Variants in PEBP4 observed in about 807,000 individuals in gnomAD.
PEBP4 encodes the protein phosphatidylethanolamine binding protein 4.
Under a neutral mutation model 23.9 loss-of-function variants are expected in PEBP4, and 22 were observed. The ratio of observed to expected loss-of-function variants is 0.92; its 90% CI spans 0.66 to 1.31. PEBP4 has a LOEUF of 1.31. Ranked by LOEUF, PEBP4 falls within the 40% of genes most tolerant of loss-of-function variation. PEBP4 has a pLI of 0.00. For missense variants in PEBP4, 324 were observed against 281.7 expected, an observed-to-expected ratio of 1.15 and a Z score of -1.07; for synonymous variants, 112 against 99.3, an observed-to-expected ratio of 1.13 and a Z score of -0.76.
chr8:22,785,887 G>T (rs1009342847), intron 4 of PEBP4, among the ~76,000 whole-genome samples: 7 of 152,220 alleles, frequency 4.6e-5, no homozygotes, highest in African/African-American at 1.4e-4. Flanking sequence ...TCTAAAGAAT[G>T]CAGGTTTAAA....
At chr8:22,765,549 G>A (rs1231871690) in intron 4 of PEBP4, among the ~76,000 whole-genome samples, 4 of 152,194 alleles carry the variant, frequency 2.6e-5, no homozygotes, top group Non-Finnish European at 4.4e-5. Context: ...CCCTGCCTCT[G>A]TTCTCTCATC....
chr8:22,861,723 G>A (rs74911716), intron 3 of PEBP4, among the ~76,000 whole-genome samples: 79 of 152,264 alleles, frequency 5.2e-4, no homozygotes, highest in African/African-American at 1.9e-3. Context: ...AATTTCCTTA[G>A]GTCCAAAGGA....
At chr8:22,771,394 C>T (rs912984486) in intron 4 of PEBP4, among the ~76,000 whole-genome samples, 13 of 152,068 alleles carry the variant, frequency 8.5e-5, no homozygotes, top group Admixed American at 5.2e-4. Flanking sequence ...GAGGCAGAGG[C>T]AGGAGAATCA....
intron 4 of PEBP4, among the ~76,000 whole-genome samples, chr8:22,738,067 G>A (rs544834738): frequency 1.8e-4 from 27 of 152,338 alleles, no homozygotes; most frequent in African/African-American, 5.8e-4. Context: ...TGGCTGCGCC[G>A]TGGGCTTGGA....
At chr8:22,772,774 C>G (rs886886224) in intron 4 of PEBP4, among the ~76,000 whole-genome samples, 1 of 152,170 alleles carries the variant, frequency 6.6e-6, no homozygotes, top group South Asian at 2.1e-4. Context: ...CTATCTGAGG[C>G]CCACAGACCT....
chr8:22,715,951 C>T lies in PEBP4; in HGVS notation c.518-2415G>A, dbSNP rs111236718. On this transcript the variant is annotated intron_variant, in intron 6 of 6. Transcript: ENST00000256404. ...CCTTCCTGTATGGCACTGCTGTCCC[C>T]GAGAGGCAGAGAGTCCGCGGCCAGG... is the stretch of plus-strand genomic sequence containing the variant. 1.8e-3 allele frequency among the ~76,000 whole-genome samples: 270 copies of T among 152,232 alleles called. 1 individual carries two copies. Among genetic ancestry groups the T allele is most frequent in the African/African-American group, 6.1e-3 (253 of 41,528 alleles).
At chr8:22,930,461 C>T (rs1313672065), upstream of PEBP4, among the ~76,000 whole-genome samples, 1 of 152,088 alleles carries the variant, frequency 6.6e-6, no homozygotes, top group African/African-American at 2.4e-5. Context: ...TTCTCGGAGG[C>T]AGCACGGAGA....
At chr8:22,894,575 CT>C (rs2128775389) in intron 3 of PEBP4, among the ~76,000 whole-genome samples, 1 of 152,196 alleles carries the variant, frequency 6.6e-6, no homozygotes, top group South Asian at 2.1e-4. Flanking sequence ...GAGTGAGACC[CT>C]GTCTCTAAAA....
In PEBP4 at chr8:22,713,422, T is replaced by C. The variant is rs1047406; in HGVS notation, c.632A>G (p.Glu211Gly). 502,122 of 1,610,552 alleles carry C rather than the reference T, an allele frequency of 0.31. 79,808 individuals carry two copies. The highest frequency in any genetic ancestry group is 0.44 in the Admixed American group (25,950 of 59,286). The part of the protein sequence containing the change: ...QDSPTLQAPR[E>G]RASEPKHKNQ... ...TTTGTGCTTGGGCTCGCTGGCCCTT[T>C]CTCTGGGAGCCTGGAGGGTTGGTGA... is the stretch of plus-strand genomic sequence containing the variant. Residue 211 changes from glutamate (E) to glycine (G), a missense_variant, in exon 7 of 7, where the codon GAA (glutamate) becomes GGA (glycine). By Grantham distance (98) the Glu-to-Gly change is moderately conservative. Transcript: ENST00000256404.
chr8:22,905,466 TTTC>T (rs1212532114), intron 3 of PEBP4, among the ~76,000 whole-genome samples: 1 of 152,266 alleles, frequency 6.6e-6, no homozygotes, highest in Non-Finnish European at 1.5e-5. Context: ...CACATCCCTC[TTTC>T]TTTTTATCCC....
chr8:22,810,142 C>A (rs1806587298), intron 4 of PEBP4, among the ~76,000 whole-genome samples: 1 of 152,186 alleles, frequency 6.6e-6, no homozygotes, highest in Non-Finnish European at 1.5e-5. Context: ...ACGAGATTTC[C>A]TTAACTCTTT....
chr8:22,783,790 G>A (rs1315420094), intron 4 of PEBP4, among the ~76,000 whole-genome samples: 1 of 152,184 alleles, frequency 6.6e-6, no homozygotes, highest in Non-Finnish European at 1.5e-5. Context: ...ATGCCACCAT[G>A]CCCAGCTAAT....
chr8:22,863,969 T>C (rs1439519598), intron 3 of PEBP4, among the ~76,000 whole-genome samples: 5 of 152,192 alleles, frequency 3.3e-5, no homozygotes, highest in African/African-American at 1.2e-4. Flanking sequence ...CCCCGACTAC[T>C]GTAAGGGCTT....
chr8:22,831,311 T>A (rs1211665306), intron 3 of PEBP4, among the ~76,000 whole-genome samples: 3 of 152,238 alleles, frequency 2.0e-5, no homozygotes, highest in African/African-American at 7.2e-5. Flanking sequence ...GCATAGTTTT[T>A]TATTAATGTC....
intron 4 of PEBP4, among the ~76,000 whole-genome samples, chr8:22,804,295 C>T (rs1428212759): frequency 6.6e-6 from 1 of 152,124 alleles, no homozygotes; most frequent in Non-Finnish European, 1.5e-5. Context: ...TGCACCACTG[C>T]ACTCCACCCT....
rs199851048 is a variant in PEBP4, at chr8:22,724,970, C to T, written c.404-14G>A. 1.5e-4 allele frequency: 232 copies of T among 1,594,244 alleles called. No individual in the cohort carries two copies. In the African/African-American group the frequency reaches 2.3e-3, roughly 16 times the overall value. Reference sequence around the variant, plus strand: ...GAGCCTGGTAGGCTATAGGTAGAAGCAGGAGAGAGGTGAGCATCAACATCC... The same window carrying T: ...GAGCCTGGTAGGCTATAGGTAGAAGTAGGAGAGAGGTGAGCATCAACATCC... On this transcript the variant is annotated splice_polypyrimidine_tract_variant and intron_variant, in intron 5 of 6. Transcript: ENST00000256404.
intron 4 of PEBP4, among the ~76,000 whole-genome samples, chr8:22,796,589 A>C (rs766763394): frequency 2.6e-5 from 4 of 152,206 alleles, no homozygotes; most frequent in Non-Finnish European, 4.4e-5. Context: ...GCCTAAGAAG[A>C]AGCACTTGCT....
At chr8:22,908,202 G>A (rs1481101731) in intron 3 of PEBP4, among the ~76,000 whole-genome samples, 1 of 152,036 alleles carries the variant, frequency 6.6e-6, no homozygotes, top group Non-Finnish European at 1.5e-5. Flanking sequence ...ATGCATGTGA[G>A]CAGGAAATCG....
In PEBP4 at chr8:22,767,784, T is replaced by C. The variant is rs1805638829; in HGVS notation, c.358-40564A>G. Among the ~76,000 whole-genome samples, 12 of 152,296 alleles carry C rather than the reference T, an allele frequency of 7.9e-5. No individual in the cohort carries two copies. In the South Asian group the frequency reaches 2.3e-3, roughly 29 times the overall value. ...GTTTTTTCTTTTTTGAGATGGAGTT[T>C]GGCTCTGTTGCCCACGCTGGGCTCG... On this transcript the variant is annotated intron_variant, in intron 4 of 6. Coordinates refer to ENST00000256404, the MANE Select transcript of PEBP4 (RefSeq NM_144962.3).
Sources: allele counts gnomAD v4.1 joint callset (sites outside exome capture counted in the v4.1 genomes callset), GRCh38; gene constraint gnomAD v4.1.1; transcripts MANE v1.5; gene names NCBI Gene and HGNC (gene_info 2026-07-23, HGNC 2026-07-21).